The following RAB3GAP1 variants were observed in gnomAD, a reference collection of about 807,000 sequenced individuals.
RAB3GAP1 encodes the protein RAB3 GTPase activating protein catalytic subunit 1.
Under a neutral mutation model 130.7 loss-of-function variants are expected in RAB3GAP1, and 86 were observed. That is an observed-to-expected ratio of 0.66 (90% CI 0.55 to 0.79). The LOEUF (loss-of-function observed/expected upper bound fraction) is 0.79, where lower values mean the gene tolerates loss of function less well. Among genes scored for constraint, RAB3GAP1 ranks in the 30% least tolerant of loss-of-function variants. RAB3GAP1 has a pLI of 0.00. For synonymous variants in RAB3GAP1, 367 were observed against 401.7 expected (o/e 0.91, Z 1.03); for missense variants, 1,029 against 1,169.4 (o/e 0.88, Z 1.75).
At chr2:135,055,527 A>C (rs1002608834) in intron 2 of RAB3GAP1, among the ~76,000 whole-genome samples, 2 of 152,040 alleles carry the variant, frequency 1.3e-5, no homozygotes, top group African/African-American at 4.8e-5. Flanking sequence ...AAAATACAAA[A>C]GCTAGCTGGG....
At chr2:135,059,974 A>G (rs559359081) in intron 3 of RAB3GAP1, among the ~76,000 whole-genome samples, 3 of 152,356 alleles carry the variant, frequency 2.0e-5, no homozygotes, top group South Asian at 4.1e-4. Flanking sequence ...TTTAACTTAT[A>G]TGAAGGACAG....
chr2:135,054,844 AT>A (rs893180198), intron 2 of RAB3GAP1, among the ~76,000 whole-genome samples: 8 of 152,370 alleles, frequency 5.3e-5, no homozygotes, highest in African/African-American at 1.7e-4. Context: ...TGTAGTGTGC[AT>A]TTTACAATTC....
intron 7 of RAB3GAP1, among the ~76,000 whole-genome samples, chr2:135,120,376 G>A (rs1302725790): frequency 6.6e-6 from 1 of 152,168 alleles, no homozygotes; most frequent in Non-Finnish European, 1.5e-5. Flanking sequence ...GAAGCAGTAT[G>A]CAGAAATTAT....
intron 19 of RAB3GAP1, chr2:135,162,316 C>T: frequency 4.1e-5 from 19 of 465,372 alleles, no homozygotes; most frequent in South Asian, 2.3e-4. Context: ...TTGTATTTTC[C>T]TTATTTGTGT....
chr2:135,123,396 A>G (rs1221590747), intron 8 of RAB3GAP1, among the ~76,000 whole-genome samples: 2 of 152,174 alleles, frequency 1.3e-5, no homozygotes, highest in Non-Finnish European at 2.9e-5. Context: ...ATATTTGATG[A>G]CTAATTTTAA....
chr2:135,068,421 G>A (rs1286502182), intron 3 of RAB3GAP1, among the ~76,000 whole-genome samples: 2 of 151,480 alleles, frequency 1.3e-5, no homozygotes. Flanking sequence ...TAAGGTATAT[G>A]CCACTAAAGG....
At chr2:135,068,545 G>A (rs918994568) in intron 3 of RAB3GAP1, among the ~76,000 whole-genome samples, 16 of 151,866 alleles carry the variant, frequency 1.1e-4, no homozygotes, top group African/African-American at 3.9e-4. Context: ...CTGAGTTCAG[G>A]AGGTCAAGAC....
intron 5 of RAB3GAP1, among the ~76,000 whole-genome samples, chr2:135,095,116 T>G (rs1690253247): frequency 6.6e-6 from 1 of 152,172 alleles, no homozygotes; most frequent in African/African-American, 2.4e-5. Flanking sequence ...TGGCGTGATC[T>G]CGGCTCACTG....
At chr2:135,167,929 T>C (rs921181612) in intron 23 of RAB3GAP1, among the ~76,000 whole-genome samples, 6 of 152,144 alleles carry the variant, frequency 3.9e-5, no homozygotes, top group African/African-American at 7.2e-5. Context: ...AGAATTAAAA[T>C]TGTAGGCTGT....
At chr2:135,117,478 C>CTGG in intron 7 of RAB3GAP1, among the ~76,000 whole-genome samples, 1 of 149,702 alleles carries the variant, frequency 6.7e-6, no homozygotes, top group East Asian at 2.1e-4. Flanking sequence ...GCTTCTGCTT[C>CTGG]TTCTGCTTCT....
intron 2 of RAB3GAP1, among the ~76,000 whole-genome samples, chr2:135,055,113 T>G (rs1190308669): frequency 1.3e-5 from 2 of 152,178 alleles, no homozygotes; most frequent in Non-Finnish European, 2.9e-5. Context: ...AAATGTGCAG[T>G]CTAGTGCATT....
intron 17 of RAB3GAP1, among the ~76,000 whole-genome samples, chr2:135,144,097 G>A (rs1204084626): frequency 6.6e-6 from 1 of 152,202 alleles, no homozygotes; most frequent in South Asian, 2.1e-4. Flanking sequence ...TTGTGCACCA[G>A]CTTAGCTCTC....
In RAB3GAP1 at chr2:135,058,086, G is replaced by C; in HGVS notation, c.150G>C (p.Lys50Asn). 1 of 1,605,648 alleles carries C rather than the reference G, an allele frequency of 6.2e-7. No individual in the cohort carries two copies. Among genetic ancestry groups the C allele is most frequent in the Non-Finnish European group, 8.5e-7 (1 of 1,172,444 alleles). ...IGNSLGKPLE[K>N]GIFTSGTWEE... Reference sequence around the variant, plus strand: ...ACTCTTTGGGAAAGCCACTCGAAAAGGTCAGATCTATTTGCTGGTGTCTCT... The same window carrying C: ...ACTCTTTGGGAAAGCCACTCGAAAACGTCAGATCTATTTGCTGGTGTCTCT... The change falls in exon 3 of 24, where the codon AAG becomes AAC. Residue 50 changes from lysine to asparagine, a missense_variant and splice_region_variant. This residue lies in a region of RAB3GAP1 where 510 missense variants were observed against 532.1 expected (regional missense o/e 0.96). Transcript: ENST00000264158.
At chr2:135,078,032 A>G (rs997267383) in intron 3 of RAB3GAP1, among the ~76,000 whole-genome samples, 4 of 152,174 alleles carry the variant, frequency 2.6e-5, no homozygotes, top group Admixed American at 1.3e-4. Flanking sequence ...TTGATGCACA[A>G]AAGTTTTTAA....
chr2:135,107,968 T>C (rs1574116281), intron 5 of RAB3GAP1, among the ~76,000 whole-genome samples: 1 of 75,116 alleles, frequency 1.3e-5, no homozygotes, highest in African/African-American at 6.2e-5. Context: ...AGAGTGAAAC[T>C]CCATCTCAAA....
At chr2:135,147,487 G>T (rs1233734113) in intron 17 of RAB3GAP1, among the ~76,000 whole-genome samples, 2 of 151,948 alleles carry the variant, frequency 1.3e-5, no homozygotes, top group African/African-American at 2.4e-5. Context: ...ATAATAGTTT[G>T]TATTACTCTA....
chr2:135,151,637 A>G (rs1287037053), intron 18 of RAB3GAP1, among the ~76,000 whole-genome samples: 4 of 152,234 alleles, frequency 2.6e-5, no homozygotes, highest in African/African-American at 9.6e-5. Context: ...ATGTGACAAG[A>G]AACAGAGGAG....
intron 17 of RAB3GAP1, among the ~76,000 whole-genome samples, chr2:135,145,169 A>C (rs890029754): frequency 1.3e-5 from 2 of 152,138 alleles, no homozygotes; most frequent in African/African-American, 4.8e-5. Flanking sequence ...GGGTGTTTGG[A>C]GTATCAATCG....
chr2:135,117,531 G>GCTT (rs1346321623), intron 7 of RAB3GAP1, among the ~76,000 whole-genome samples: 10 of 20,000 alleles, frequency 5.0e-4, no homozygotes, highest in East Asian at 3.1e-3. Flanking sequence ...TGCTTCTTCT[G>GCTT]CTTCTTCTTC....
Sources: allele counts gnomAD v4.1 joint callset (sites outside exome capture counted in the v4.1 genomes callset), GRCh38; gene constraint gnomAD v4.1.1; regional missense constraint gnomAD v4.1.1; transcripts MANE v1.5; gene names NCBI Gene and HGNC (gene_info 2026-07-23, HGNC 2026-07-21).